AUTS2: variants seen among roughly 807,000 people sequenced by gnomAD.
AUTS2 encodes autism susceptibility gene 2 protein.
Under a neutral mutation model 112.4 loss-of-function variants are expected in AUTS2, and 17 were observed. The ratio of observed to expected loss-of-function variants is 0.15; its 90% CI spans 0.10 to 0.23. AUTS2 has a LOEUF of 0.23. AUTS2 is among the 10% of genes least tolerant of loss of function. The probability of loss-of-function intolerance (pLI) is 1.00; values close to 1 mark genes in which losing one functional copy is unlikely to be tolerated. For synonymous variants in AUTS2, 751 were observed against 702.7 expected (o/e 1.07, Z -1.09); for missense variants, 1,510 against 1,701.6 (o/e 0.89, Z 1.98).
At chr7:69,941,954 A>C (rs1205143616) in intron 2 of AUTS2, among the ~76,000 whole-genome samples, 2 of 152,198 alleles carry the variant, frequency 1.3e-5, no homozygotes, top group African/African-American at 2.4e-5. Context: ...TGCTCAGGAC[A>C]GTGTGTAAGG....
In AUTS2 at chr7:70,612,376, G is replaced by A. The variant is rs550300699; in HGVS notation, c.691-86193G>A. ...ACTGCATCTGACATCGTCAGCTGTG[G>A]TTGCTCAAACCTCTGGTCCAGGAAG... On this transcript the variant is annotated intron_variant, in intron 5 of 18. Transcript: ENST00000342771. Among the ~76,000 whole-genome samples, 127 of 152,266 alleles carry A rather than the reference G, an allele frequency of 8.3e-4. 1 individual carries two copies. Among genetic ancestry groups the A allele is most frequent in the African/African-American group, 3.0e-3 (124 of 41,554 alleles).
chr7:70,542,012 C>T (rs1800571940), intron 5 of AUTS2, among the ~76,000 whole-genome samples: 1 of 152,216 alleles, frequency 6.6e-6, no homozygotes, highest in South Asian at 2.1e-4. Flanking sequence ...AGGCCTTCAT[C>T]ATCTGCCTTC....
intron 4 of AUTS2, among the ~76,000 whole-genome samples, chr7:70,377,937 AT>A (rs1179092644): frequency 0.029 from 4,165 of 143,048 alleles, 191 homozygotes; most frequent in African/African-American, 0.092. Context: ...CGGCTGGCTA[AT>A]TTTTTTTTTT....
intron 6 of AUTS2, among the ~76,000 whole-genome samples, chr7:70,729,971 C>T (rs989907054): frequency 6.6e-6 from 1 of 152,164 alleles, no homozygotes; most frequent in Non-Finnish European, 1.5e-5. Flanking sequence ...CAACCTCCGC[C>T]TCCCGGGTTG....
chr7:70,151,121 G>T (rs1287505811), intron 4 of AUTS2, among the ~76,000 whole-genome samples: 1 of 152,182 alleles, frequency 6.6e-6, no homozygotes, highest in Non-Finnish European at 1.5e-5. Context: ...GAGAGTCCAG[G>T]AAGAACAAGG....
intron 2 of AUTS2, among the ~76,000 whole-genome samples, chr7:70,076,670 A>AAG (rs750808604): frequency 6.6e-6 from 1 of 152,172 alleles, no homozygotes. Context: ...TAGCCTGATG[A>AAG]AGAGAGAGAT....
intron 5 of AUTS2, among the ~76,000 whole-genome samples, chr7:70,582,930 T>A (rs982274162): frequency 3.9e-5 from 6 of 152,054 alleles, no homozygotes; most frequent in Non-Finnish European, 7.4e-5. Context: ...GTCTAGACAA[T>A]TTTTTTTGGC....
intron 5 of AUTS2, among the ~76,000 whole-genome samples, chr7:70,674,409 A>G (rs776580873): frequency 6.6e-6 from 1 of 152,166 alleles, no homozygotes; most frequent in Non-Finnish European, 1.5e-5. Flanking sequence ...CGCACTTGTC[A>G]TTTGCTGAGG....
At position 70,335,856 on chromosome 7, in the gene AUTS2, T is replaced by A. The variant is rs538951861; in HGVS notation, c.661-99896T>A. ...CAAGCAGTATTAATGAAGAAGCCAA[T>A]TGTGCATGACATAGTGCAGGTCTCT... On this transcript the variant is annotated intron_variant, in intron 4 of 18. Transcript: ENST00000342771. Among the ~76,000 whole-genome samples the A allele has an allele frequency of 7.2e-5, 11 of 152,300 alleles. No homozygotes were observed. In the Middle Eastern group the frequency reaches 0.01, roughly 141 times the overall value.
chr7:70,186,280 A>G (rs749856896), intron 4 of AUTS2, among the ~76,000 whole-genome samples: 2 of 152,186 alleles, frequency 1.3e-5, no homozygotes, highest in Non-Finnish European at 2.9e-5. Flanking sequence ...GGTTTCCCTT[A>G]GAAGCCACAC....
intron 4 of AUTS2, among the ~76,000 whole-genome samples, chr7:70,157,888 G>C (rs1474252457): frequency 3.3e-5 from 5 of 152,220 alleles, no homozygotes; most frequent in Non-Finnish European, 7.3e-5. Flanking sequence ...CTTACAATGG[G>C]AGTGGGAGGA....
At chr7:70,698,498 A>G in intron 5 of AUTS2, 71 bp from the exon 6 acceptor site, 1 of 1,293,908 alleles carries the variant, frequency 7.7e-7, no homozygotes, top group East Asian at 2.3e-5. Flanking sequence ...ATTTAAAATA[A>G]TGGGAATGTT....
At position 70,458,522 on chromosome 7, in the gene AUTS2, T is replaced by A. The variant is rs117336558; in HGVS notation, c.690+22741T>A. 9.7e-3 allele frequency among the ~76,000 whole-genome samples: 1,479 copies of A among 152,362 alleles called. 6 individuals carry two copies. The highest frequency in any genetic ancestry group is 0.017 in the Non-Finnish European group (1,167 of 68,036). On this transcript the variant is annotated intron_variant, in intron 5 of 18. Transcript: ENST00000342771. The stretch of plus-strand genomic sequence containing the variant: ...ATTATGTTTTCAAAATTCAAGGTTT[T>A]AGATTCTTGGATGGCTGCCAAGTGG...
intron 5 of AUTS2, among the ~76,000 whole-genome samples, chr7:70,674,968 G>A (rs1442382982): frequency 6.6e-6 from 1 of 152,154 alleles, no homozygotes; most frequent in Non-Finnish European, 1.5e-5. Context: ...GACATAGTAA[G>A]AGCTCCTGGC....
chr7:70,457,319 G>A (rs1796781278), intron 5 of AUTS2, among the ~76,000 whole-genome samples: 1 of 152,198 alleles, frequency 6.6e-6, no homozygotes. Flanking sequence ...GCATGCCACA[G>A]GTGGTGCTTA....
At chr7:70,615,782 G>A (rs900579381) in intron 5 of AUTS2, among the ~76,000 whole-genome samples, 2 of 151,852 alleles carry the variant, frequency 1.3e-5, no homozygotes, top group Admixed American at 1.3e-4. Flanking sequence ...GTCTTGCTCT[G>A]TTGCCCAGGA....
chr7:70,672,840 A>G (rs995852714), intron 5 of AUTS2, among the ~76,000 whole-genome samples: 3 of 152,114 alleles, frequency 2.0e-5, no homozygotes, highest in Admixed American at 1.3e-4. Flanking sequence ...TGACCTCGTG[A>G]TCTGCCTGCC....
At chr7:69,754,649 G>C (rs1787876189) in intron 1 of AUTS2, among the ~76,000 whole-genome samples, 2 of 152,150 alleles carry the variant, frequency 1.3e-5, no homozygotes, top group Admixed American at 1.3e-4. Context: ...AGGTGCCCAG[G>C]AGAAGTTACA....
chr7:70,369,690 G>A (rs966012132), intron 4 of AUTS2, among the ~76,000 whole-genome samples: 1 of 152,186 alleles, frequency 6.6e-6, no homozygotes, highest in African/African-American at 2.4e-5. Flanking sequence ...AATATGGAAG[G>A]AAAGCAGGAA....
Sources: allele counts gnomAD v4.1 joint callset (sites outside exome capture counted in the v4.1 genomes callset), GRCh38; gene constraint gnomAD v4.1.1; transcripts MANE v1.5; gene names NCBI Gene and HGNC (gene_info 2026-07-23, HGNC 2026-07-21).